The following CES5A variants were observed in gnomAD, a reference collection of about 807,000 sequenced individuals.
The protein encoded by CES5A is carboxylesterase 5.
A neutral mutation model predicts 62.9 loss-of-function variants in CES5A; 67 were observed. That is an observed-to-expected ratio of 1.07 (90% CI 0.88 to 1.31). CES5A has a LOEUF of 1.31. Ranked by LOEUF, CES5A falls within the 50% of genes most tolerant of loss-of-function variation. CES5A has a pLI of 0.00. For missense variants in CES5A, 748 were observed against 708.5 expected, an observed-to-expected ratio of 1.06 and a Z score of -0.63; for synonymous variants, 296 against 280.8, an observed-to-expected ratio of 1.05 and a Z score of -0.54.
chr16:55,851,919 G>T (rs1259635892), intron 10 of CES5A, among the ~76,000 whole-genome samples: 1 of 152,312 alleles, frequency 6.6e-6, no homozygotes, highest in South Asian at 2.1e-4. Context: ...CTTATGCTAC[G>T]TGAAATAAGC....
Position 55,893,674 on chromosome 16 carries a change from A to C in CES5A, c.-255-19637T>G, listed in dbSNP as rs137863320. 3.7e-3 allele frequency among the ~76,000 whole-genome samples: 567 copies of C among 152,310 alleles called. 4 individuals are homozygous for C. The highest frequency in any genetic ancestry group is 0.012 in the African/African-American group (493 of 41,586). On this transcript the variant is annotated intron_variant, in intron 1 of 12. Transcript: ENST00000518005. ...AAAACAAGGTAATATCAAATAGTCAATCAGAAGCACAAAGTGAAAAGAAGA... is the reference window on the plus strand; with the variant it reads ...AAAACAAGGTAATATCAAATAGTCACTCAGAAGCACAAAGTGAAAAGAAGA...
At chr16:55,948,910 C>A (rs1215918305) in intron 2 of CES5A, among the ~76,000 whole-genome samples, 1 of 152,096 alleles carries the variant, frequency 6.6e-6, no homozygotes, top group African/African-American at 2.4e-5. Flanking sequence ...GATGTAGTTG[C>A]CATTTTCTGA....
chr16:55,903,763 C>T (rs1252508579), intron 1 of CES5A, among the ~76,000 whole-genome samples: 2 of 152,198 alleles, frequency 1.3e-5, no homozygotes, highest in Admixed American at 6.5e-5. Flanking sequence ...ATCCTCTTTA[C>T]AGACCTTTTA....
At chr16:55,852,330 G>A (rs1477927915) in intron 10 of CES5A, among the ~76,000 whole-genome samples, 3 of 152,076 alleles carry the variant, frequency 2.0e-5, no homozygotes, top group Admixed American at 6.6e-5. Flanking sequence ...CCTTGTGGTC[G>A]AAGAAGATAC....
chr16:55,853,569 G>A (rs1170021369), intron 9 of CES5A, among the ~76,000 whole-genome samples: 2 of 152,134 alleles, frequency 1.3e-5, no homozygotes, highest in Non-Finnish European at 2.9e-5. Flanking sequence ...TAAGCTAGTT[G>A]GTCTCTTGGA....
In CES5A at chr16:55,954,619, G is replaced by T. The variant is rs78620631; in HGVS notation, c.42+1225C>A. ...ATCTCAAGGAAAATGTCAGAGGCTTGTGGCTGCCTGTGCCTCTCCTCAGCT... is the reference window on the plus strand; with the variant it reads ...ATCTCAAGGAAAATGTCAGAGGCTTTTGGCTGCCTGTGCCTCTCCTCAGCT... On this transcript the variant is annotated intron_variant, in intron 1 of 13. Coordinates refer to the CES5A transcript ENST00000521992. Among the ~76,000 whole-genome samples, 69 of 151,152 alleles carry T rather than the reference G, an allele frequency of 4.6e-4. No individual in the cohort carries two copies. The South Asian group carries it at 6.1e-3, about 13-fold the overall frequency.
At chr16:55,904,157 G>T (rs1305708865) in intron 1 of CES5A, among the ~76,000 whole-genome samples, 5 of 152,212 alleles carry the variant, frequency 3.3e-5, no homozygotes, top group Non-Finnish European at 2.9e-5. Flanking sequence ...AAAATAAAAT[G>T]AGGAAAAGGA....
chr16:55,953,093 C>T (rs1214787546), intron 1 of CES5A, among the ~76,000 whole-genome samples: 2 of 152,126 alleles, frequency 1.3e-5, no homozygotes, highest in Non-Finnish European at 1.5e-5. Context: ...AATTGATGTT[C>T]CTCACTAGAG....
intron 2 of CES5A, among the ~76,000 whole-genome samples, chr16:55,938,839 CAT>C (rs141696132): frequency 5.0e-5 from 6 of 120,112 alleles, no homozygotes; most frequent in African/African-American, 6.7e-5. Context: ...TATATATACA[CAT>C]ATATATATGT....
At chr16:55,916,750 C>T (rs2034151963) in intron 1 of CES5A, among the ~76,000 whole-genome samples, 1 of 152,130 alleles carries the variant, frequency 6.6e-6, no homozygotes, top group Non-Finnish European at 1.5e-5. Context: ...AGGGAAAGTC[C>T]ATATTTCTTT....
At position 55,871,635 on chromosome 16, in the gene CES5A, G is replaced by T; in HGVS notation, c.407C>A (p.Ser136Tyr). ...IYAPAHADTG[S>Y]KLPVLVWFPG... The stretch of plus-strand genomic sequence containing the variant: ...AGCAGGCAGCCTTACGGGGAGCTTG[G>T]AGCCTGTATCGGCGTGGGCAGGCGC... The change falls in exon 3 of 13, where the codon TCC (serine) becomes TAC (tyrosine). Residue 136 changes from serine (S) to tyrosine (Y), a missense_variant. Coordinates refer to ENST00000290567, the MANE Select transcript of CES5A (RefSeq NM_001143685.2). 6.2e-7 allele frequency: 1 copy of T among 1,614,106 alleles called. No homozygotes were observed. Among genetic ancestry groups the T allele is most frequent in the Middle Eastern group, 1.7e-4 (1 of 6,018 alleles).
chr16:55,901,076 C>T (rs1349413478), intron 1 of CES5A, among the ~76,000 whole-genome samples: 2 of 152,094 alleles, frequency 1.3e-5, no homozygotes, highest in African/African-American at 4.8e-5. Flanking sequence ...ATAATTCCCA[C>T]GTGTCATGGG....
upstream of CES5A, among the ~76,000 whole-genome samples, chr16:55,877,088 A>G (rs2253978): frequency 0.23 from 35,074 of 152,094 alleles, 4,791 homozygotes; most frequent in Non-Finnish European, 0.31. Context: ...GCAGTGGGAC[A>G]TTGCTGTGGA....
intron 1 of CES5A, among the ~76,000 whole-genome samples, chr16:55,918,753 C>T (rs1414847882): frequency 6.6e-6 from 1 of 152,216 alleles, no homozygotes; most frequent in Non-Finnish European, 1.5e-5. Flanking sequence ...CTCTCCATCA[C>T]ATTATAATGC....
At chr16:55,857,761 T>A (rs1313514679) in intron 8 of CES5A, among the ~76,000 whole-genome samples, 3 of 152,194 alleles carry the variant, frequency 2.0e-5, no homozygotes, top group African/African-American at 7.2e-5. Flanking sequence ...GAGCACTGAC[T>A]ATATGCCAGG....
rs1555479325 is a variant in CES5A, at chr16:55,854,531, C to CTTTCTGTTTTCTTTCTTTT, written c.1126-1504_1126-1503insAAAAGAAAGAAAACAGAAA. ...TGAGGGATATCTGCCTGTAGTGTTT[C>CTTTCTGTTTTCTTTCTTTT]TTTTTTTTTTTTCTTTTTTTTTTTT... On this transcript the variant is annotated intron_variant, in intron 9 of 12. Transcript: ENST00000290567. 2.1e-4 allele frequency among the ~76,000 whole-genome samples: 11 copies of CTTTCTGTTTTCTTTCTTTT among 52,156 alleles called. 1 individual carries two copies. The highest frequency in any genetic ancestry group is 9.9e-4 in the African/African-American group (11 of 11,154). 34.2% of individuals were successfully genotyped at this position (52,156 alleles called of 152,430 possible). A position where few individuals can be genotyped will look rare whatever the true frequency, so the allele number is the denominator to read the frequency against.
At chr16:55,899,936 A>G (rs1247203960) in intron 1 of CES5A, among the ~76,000 whole-genome samples, 2 of 152,242 alleles carry the variant, frequency 1.3e-5, no homozygotes, top group East Asian at 1.9e-4. Flanking sequence ...ATAGATTTCA[A>G]CTAAAGAGAG....
At chr16:55,858,567 A>C (rs780592170) in intron 8 of CES5A, among the ~76,000 whole-genome samples, 1 of 152,190 alleles carries the variant, frequency 6.6e-6, no homozygotes, top group Non-Finnish European at 1.5e-5. Context: ...ACTTCAAAAC[A>C]TTGCCCTGGA....
intron 2 of CES5A, among the ~76,000 whole-genome samples, chr16:55,936,798 G>T (rs1490665115): frequency 6.6e-6 from 1 of 152,156 alleles, no homozygotes; most frequent in Non-Finnish European, 1.5e-5. Context: ...AACATTTTTT[G>T]AGTATCTATT....
Sources: gnomAD v4.1 joint callset for allele counts (sites outside exome capture counted in the v4.1 genomes callset) on GRCh38, gnomAD v4.1.1 for gene constraint, MANE v1.5 for transcripts, NCBI Gene and HGNC (gene_info 2026-07-23, HGNC 2026-07-21) for gene names.